The following SPHKAP variants were observed in gnomAD, a reference collection of about 807,000 sequenced individuals.
SPHKAP encodes the protein A-kinase anchor protein SPHKAP.
Under a neutral mutation model 137.5 loss-of-function variants are expected in SPHKAP, and 67 were observed. That is an observed-to-expected ratio of 0.49 (90% CI 0.40 to 0.60). The LOEUF (loss-of-function observed/expected upper bound fraction) is 0.60, where lower values mean the gene tolerates loss of function less well. Ranked by LOEUF, SPHKAP falls within the 20% of genes least tolerant of loss-of-function variation. The probability of loss-of-function intolerance (pLI) is 0.00; values close to 1 mark genes in which losing one functional copy is unlikely to be tolerated. For synonymous variants in SPHKAP, 813 were observed against 785.3 expected (o/e 1.04, Z -0.59); for missense variants, 2,097 against 2,069.3 (o/e 1.01, Z -0.26).
At chr2:228,064,846 T>G (rs1007769459) in intron 3 of SPHKAP, among the ~76,000 whole-genome samples, 4 of 152,258 alleles carry the variant, frequency 2.6e-5, no homozygotes, top group African/African-American at 7.2e-5. Flanking sequence ...CAAATTGCCA[T>G]GAGCCTTGAG....
rs1265993145 is a variant in SPHKAP, at chr2:227,993,639, A to G, written c.4635-19T>C. ...GCCATTGCTGACAAAGCAAAAGTTT[A>G]CATATTAATGCCCGTCTCCACCCTC... On this transcript the variant is annotated intron_variant, in intron 8 of 11. Coordinates refer to ENST00000392056, the MANE Select transcript of SPHKAP (RefSeq NM_001142644.2). 1.9e-6 allele frequency: 3 copies of G among 1,564,850 alleles called. No homozygotes were observed. The highest frequency in any genetic ancestry group is 3.3e-4 in the Middle Eastern group (2 of 6,018).
intron 3 of SPHKAP, among the ~76,000 whole-genome samples, chr2:228,043,473 C>T (rs1428831198): frequency 2.6e-5 from 4 of 152,114 alleles, no homozygotes; most frequent in African/African-American, 4.8e-5. Flanking sequence ...ACTACAGGCA[C>T]GTGCCACCAT....
In SPHKAP at chr2:228,066,921, T is replaced by A. The variant is rs1011056537; in HGVS notation, c.247-39378A>T. ...TGTAAATGTATTTTTGATGTACTGT[T>A]CAGTTTGTTAACCTTCTCTTCATTT... On this transcript the variant is annotated intron_variant, in intron 3 of 11. Coordinates refer to ENST00000392056, the MANE Select transcript of SPHKAP (RefSeq NM_001142644.2). 3.9e-5 allele frequency among the ~76,000 whole-genome samples: 6 copies of A among 152,358 alleles called. No individual in the cohort carries two copies. In the East Asian group the frequency reaches 7.7e-4, roughly 20 times the overall value.
At chr2:227,982,310 G>A (rs1693030667) in intron 11 of SPHKAP, 1 of 985,076 alleles carries the variant, frequency 1.0e-6, no homozygotes, top group Non-Finnish European at 1.2e-6. Context: ...CTTTGATGCA[G>A]GACCACCTAT....
At chr2:227,986,911 C>T (rs1693231645) in intron 11 of SPHKAP, among the ~76,000 whole-genome samples, 1 of 152,152 alleles carries the variant, frequency 6.6e-6, no homozygotes. Context: ...AAAACCAGGA[C>T]CATTAGCCAT....
intron 3 of SPHKAP, among the ~76,000 whole-genome samples, chr2:228,071,257 T>A (rs927947784): frequency 6.6e-6 from 1 of 152,226 alleles, no homozygotes; most frequent in African/African-American, 2.4e-5. Context: ...TCCTTACTAA[T>A]AAATATCCTT....
chr2:227,990,653 T>A (rs1486546568), intron 11 of SPHKAP, among the ~76,000 whole-genome samples: 1 of 152,202 alleles, frequency 6.6e-6, no homozygotes, highest in Non-Finnish European at 1.5e-5. Context: ...GTTTCTGTTA[T>A]ATATCAGGTT....
chr2:228,096,652 GT>G (rs1697992388), intron 3 of SPHKAP, among the ~76,000 whole-genome samples: 1 of 151,880 alleles, frequency 6.6e-6, no homozygotes, highest in Admixed American at 6.6e-5. Flanking sequence ...GTGTGTGTGT[GT>G]GTGTGTGTGT....
At chr2:228,104,826 T>TC in intron 3 of SPHKAP, among the ~76,000 whole-genome samples, 1 of 152,170 alleles carries the variant, frequency 6.6e-6, no homozygotes, top group South Asian at 2.1e-4. Flanking sequence ...TAACTATGAA[T>TC]AGAAATAATG....
chr2:227,981,807 G>C lies in SPHKAP; in HGVS notation c.5013C>G (p.Ile1671Met). The C allele has an allele frequency of 6.2e-7, 1 of 1,613,802 alleles. No homozygotes were observed. The highest frequency in any genetic ancestry group is 8.5e-7 in the Non-Finnish European group (1 of 1,179,798). The stretch of plus-strand genomic sequence containing the variant: ...TGCAGTACTGGACAACTGCATGGAA[G>C]ATATCACCCACTTTCCAGGACTTCC... Reference protein sequence around the residue: ...VHRKSWKVGDIFHAVVQYCKM... With the variant: ...VHRKSWKVGDMFHAVVQYCKM... The change falls in exon 12 of 12, where the codon ATC becomes ATG. Residue 1671 changes from isoleucine (I) to methionine (M), a missense_variant. Physicochemically the swap from Ile to Met is conservative, Grantham distance 10 (BLOSUM62 1). Coordinates refer to ENST00000392056, the MANE Select transcript of SPHKAP (RefSeq NM_001142644.2).
In SPHKAP at chr2:227,991,471, G is replaced by A. The variant is rs994756510; in HGVS notation, c.4722-145C>T. 3.3e-6 allele frequency: 5 copies of A among 1,503,100 alleles called. No individual in the cohort carries two copies. The Admixed American group carries it at 6.6e-5, about 20-fold the overall frequency. The allele number at this position is 1,503,100 out of a possible 1,614,324, so 93.1% of individuals were successfully genotyped here. A position where few individuals can be genotyped will look rare whatever the true frequency, so the allele number is the denominator to read the frequency against. ...TTTTTGTAGAGTAGAGTAATGCTGG[G>A]AAAACACCAATGTGGCTATTATGTA... On this transcript the variant is annotated intron_variant, in intron 9 of 11. Transcript: ENST00000392056.
intron 2 of SPHKAP, among the ~76,000 whole-genome samples, chr2:228,110,394 A>C (rs1380905881): frequency 6.6e-6 from 1 of 152,142 alleles, no homozygotes; most frequent in Non-Finnish European, 1.5e-5. Flanking sequence ...TTCATTAATA[A>C]ATTTTCATCA....
In SPHKAP at chr2:228,019,722, G is replaced by C. The variant is rs144776049; in HGVS notation, c.1132C>G (p.Leu378Val). 6.2e-7 allele frequency: 1 copy of C among 1,614,212 alleles called. No homozygotes were observed. Among genetic ancestry groups the C allele is most frequent in the South Asian group, 1.1e-5 (1 of 91,074 alleles). ...PGDHEDTRNA[L>V]PPRQDGEVTT... The stretch of plus-strand genomic sequence containing the variant: ...ACTTCTCCATCTTGTCTAGGAGGGA[G>C]AGCGTTTCTTGTGTCTTCATGGTCT... The change falls in exon 7 of 12, where the codon CTC becomes GTC. Residue 378 changes from leucine (L) to valine (V), a missense_variant. Transcript: ENST00000392056.
At chr2:228,177,581 A>T (rs1229774391) in intron 1 of SPHKAP, among the ~76,000 whole-genome samples, 3 of 152,238 alleles carry the variant, frequency 2.0e-5, no homozygotes, top group Admixed American at 2.0e-4. Flanking sequence ...CCTTTTGTGC[A>T]AATCTAAAAT....
chr2:228,181,189 T>C lies in SPHKAP; in HGVS notation c.32+378A>G, dbSNP rs1700898404. On this transcript the variant is annotated intron_variant, in intron 1 of 11. Transcript: ENST00000392056. The surrounding 1 kb of genome is among the most constrained non-coding windows in gnomAD (Gnocchi z 4.3). Reference sequence around the variant, plus strand: ...GCCCTAGCCCGGTTCCCTCCTGTTTTAGACCTTGGAATCTGTCTCTCCACA... The same window carrying C: ...GCCCTAGCCCGGTTCCCTCCTGTTTCAGACCTTGGAATCTGTCTCTCCACA... 6.6e-6 allele frequency among the ~76,000 whole-genome samples: 1 copy of C among 152,126 alleles called. No individual in the cohort carries two copies. The highest frequency in any genetic ancestry group is 2.1e-4 in the South Asian group (1 of 4,826).
rs1044351498 is a variant in SPHKAP at position 228,009,965 on chromosome 2, C to A, written c.4448+6441G>T. On this transcript the variant is annotated intron_variant, in intron 7 of 11. Transcript: ENST00000392056. ...ATGGGGCTGTACCTATAGATTCATGCCTCAGTGTCCAGCAACAGGTCAAGA... is the reference window on the plus strand; with the variant it reads ...ATGGGGCTGTACCTATAGATTCATGACTCAGTGTCCAGCAACAGGTCAAGA... 2.0e-5 allele frequency among the ~76,000 whole-genome samples: 3 copies of A among 152,126 alleles called. No individual in the cohort carries two copies. The East Asian group carries it at 5.8e-4, about 29-fold the overall frequency.
At chr2:228,078,204 A>C (rs1697246555) in intron 3 of SPHKAP, among the ~76,000 whole-genome samples, 1 of 152,158 alleles carries the variant, frequency 6.6e-6, no homozygotes, top group African/African-American at 2.4e-5. Context: ...CAGCCAATTA[A>C]AGTCTCAATG....
rs566392407 is a variant in SPHKAP at position 228,149,458 on chromosome 2, G to A, written c.33-17373C>T. Among the ~76,000 whole-genome samples the A allele has an allele frequency of 1.1e-4, 17 of 152,252 alleles. No individual in the cohort carries two copies. In the South Asian group the frequency reaches 3.5e-3, roughly 32 times the overall value. On this transcript the variant is annotated intron_variant, in intron 1 of 11. Transcript: ENST00000392056. The stretch of plus-strand genomic sequence containing the variant: ...CTGGTAAATCATTAGAATTCAATAC[G>A]ATTTTACTGTGTGAATGAGAATGCT...
At chr2:228,115,334 G>A (rs1225751570) in intron 2 of SPHKAP, among the ~76,000 whole-genome samples, 2 of 151,946 alleles carry the variant, frequency 1.3e-5, no homozygotes, top group African/African-American at 2.4e-5. Flanking sequence ...GACTATTCAT[G>A]TCTACACACA....
Sources: allele counts gnomAD v4.1 joint callset (sites outside exome capture counted in the v4.1 genomes callset), GRCh38; gene constraint gnomAD v4.1.1; non-coding constraint Gnocchi (gnomAD v3.1); transcripts MANE v1.5; gene names NCBI Gene and HGNC (gene_info 2026-07-23, HGNC 2026-07-21).